The following IGFL2 variants were observed in gnomAD, a reference collection of about 807,000 sequenced individuals.
IGFL2 encodes insulin growth factor-like family member 2.
In IGFL2, 7 loss-of-function variants were observed where a neutral mutation model predicts 13.9. That is an observed-to-expected ratio of 0.51 (90% CI 0.29 to 0.95). IGFL2 has a LOEUF of 0.95. Ranked by LOEUF, IGFL2 falls within the 40% of genes least tolerant of loss-of-function variation. The pLI, the probability that IGFL2 is intolerant of heterozygous loss-of-function variation, is 0.08. For missense variants in IGFL2, 138 were observed against 147.8 expected, an observed-to-expected ratio of 0.93 and a Z score of 0.34; for synonymous variants, 55 against 55.8, an observed-to-expected ratio of 0.99 and a Z score of 0.07.
chr19:46,173,248 C>T, the IGFL2 span, among the ~76,000 whole-genome samples: 1 of 152,144 alleles, frequency 6.6e-6, no homozygotes, highest in Admixed American at 6.5e-5. Flanking sequence ...GTGGGAACCA[C>T]GTTTTCCAGA....
the IGFL2 span, among the ~76,000 whole-genome samples, chr19:46,100,811 T>G: frequency 1.7e-3 from 255 of 152,296 alleles, no homozygotes; most frequent in Non-Finnish European, 2.8e-3. Context: ...GTCCCAAAAT[T>G]TAATTTCCTT....
chr19:46,140,855 ACTTTT>A (rs1972828386), upstream of IGFL2, among the ~76,000 whole-genome samples: 1 of 152,152 alleles, frequency 6.6e-6, no homozygotes, highest in African/African-American at 2.4e-5. Flanking sequence ...GAGCCTCTGC[ACTTTT>A]CTAAGAGTTT....
At chr19:46,171,583 C>G in the IGFL2 span, among the ~76,000 whole-genome samples, 1 of 152,216 alleles carries the variant, frequency 6.6e-6, no homozygotes, top group Non-Finnish European at 1.5e-5. Flanking sequence ...CAATTTACAA[C>G]TGCCTTCTCT....
At chr19:46,112,212 T>C in the IGFL2 span, 1 of 152,212 alleles carries the variant, frequency 6.6e-6, no homozygotes, top group Non-Finnish European at 1.5e-5. Flanking sequence ...AATTAGGCAA[T>C]TTAACTAATA....
intron 1 of IGFL2, among the ~76,000 whole-genome samples, chr19:46,151,116 ACTT>A (rs1357891205): frequency 6.6e-6 from 1 of 152,050 alleles, no homozygotes; most frequent in African/African-American, 2.4e-5. Context: ...CCTTCTCTCT[ACTT>A]CTATGAGTTC....
the IGFL2 span, among the ~76,000 whole-genome samples, chr19:46,134,450 A>ATATACAT: frequency 6.6e-6 from 1 of 152,180 alleles, no homozygotes; most frequent in Non-Finnish European, 1.5e-5. Context: ...TAATGAAATA[A>ATATACAT]TATACATTAT....
At position 46,160,855 on chromosome 19, in the gene IGFL2, A is replaced by G; in HGVS notation, c.315A>G (p.Ser105=). The change falls in exon 3 of 4, where the codon TCA becomes TCG. Residue 105 remains serine, a synonymous_variant. Transcript: ENST00000377693. ...KVQGVNSQCH[S]SPISSKCESR... ...AGGGTGTGAATTCCCAGTGCCACTC[A>G]TCTCCCATCTCCAGTAAATGTGAAA... The G allele has an allele frequency of 6.2e-7, 1 of 1,613,830 alleles. No homozygotes were observed.
intron 1 of IGFL2, among the ~76,000 whole-genome samples, chr19:46,158,871 TG>T (rs1419349422): frequency 2.0e-5 from 3 of 151,786 alleles, no homozygotes; most frequent in Non-Finnish European, 4.4e-5. Flanking sequence ...TGGCAGCAGG[TG>T]GGGGATGGAG....
chr19:46,168,932 G>GTA, the IGFL2 span, among the ~76,000 whole-genome samples: 94 of 151,800 alleles, frequency 6.2e-4, 2 homozygotes, highest in South Asian at 0.01. Context: ...GTGTGTGTGT[G>GTA]TGTGTGTATG....
upstream of IGFL2, among the ~76,000 whole-genome samples, chr19:46,145,600 A>ATGTG (rs1024196099): frequency 0.12 from 11,767 of 94,252 alleles, 573 homozygotes; most frequent in Middle Eastern, 0.14. Flanking sequence ...ACTCATATAT[A>ATGTG]TGTGTGTGTG....
upstream of IGFL2, among the ~76,000 whole-genome samples, chr19:46,138,979 G>T (rs946724202): frequency 3.3e-5 from 5 of 151,344 alleles, no homozygotes; most frequent in African/African-American, 9.7e-5. Flanking sequence ...TCCTGTCCCT[G>T]CCAACTCTCC....
At chr19:46,106,687 A>T in the IGFL2 span, among the ~76,000 whole-genome samples, 1 of 152,294 alleles carries the variant, frequency 6.6e-6, no homozygotes, top group African/African-American at 2.4e-5. Flanking sequence ...GTTTTTGGAC[A>T]GGTAGGATAG....
chr19:46,195,709 C>T, the IGFL2 span: 1 of 152,156 alleles, frequency 6.6e-6, no homozygotes, highest in Non-Finnish European at 1.5e-5. Context: ...ACTGTGGGCA[C>T]CTCTGGAGCT....
At chr19:46,102,723 T>C in the IGFL2 span, among the ~76,000 whole-genome samples, 1 of 152,140 alleles carries the variant, frequency 6.6e-6, no homozygotes, top group Non-Finnish European at 1.5e-5. Context: ...ACAGGGGATA[T>C]GATGGCTTAG....
chr19:46,115,655 CTG>C, the IGFL2 span, among the ~76,000 whole-genome samples: 2 of 152,096 alleles, frequency 1.3e-5, no homozygotes, highest in African/African-American at 4.8e-5. Context: ...ACCCGACTCT[CTG>C]TGTAATTTAA....
the IGFL2 span, among the ~76,000 whole-genome samples, chr19:46,211,427 C>T: frequency 1.3e-5 from 2 of 152,232 alleles, no homozygotes; most frequent in African/African-American, 4.8e-5. Flanking sequence ...AATTCCACCT[C>T]ATTCCTGCCT....
chr19:46,144,784 A>G (rs1973032048), upstream of IGFL2, among the ~76,000 whole-genome samples: 2 of 152,124 alleles, frequency 1.3e-5, no homozygotes, highest in South Asian at 2.1e-4. Context: ...GAACAGTTCC[A>G]TCACCCCAAA....
intron 1 of IGFL2, among the ~76,000 whole-genome samples, chr19:46,150,889 A>G (rs1242574199): frequency 6.6e-6 from 1 of 152,148 alleles, no homozygotes; most frequent in Non-Finnish European, 1.5e-5. Context: ...CCGGTCTCCA[A>G]CTTGTAGGCT....
At chr19:46,178,471 G>C in the IGFL2 span, among the ~76,000 whole-genome samples, 1 of 152,082 alleles carries the variant, frequency 6.6e-6, no homozygotes, top group Non-Finnish European at 1.5e-5. Context: ...TTTTTTATGG[G>C]AGAAATTTAC....
Sources: gnomAD v4.1 joint callset for allele counts (sites outside exome capture counted in the v4.1 genomes callset) on GRCh38, gnomAD v4.1.1 for gene constraint, MANE v1.5 for transcripts, NCBI Gene and HGNC (gene_info 2026-07-23, HGNC 2026-07-21) for gene names.